Variants in FCGR2B observed in about 807,000 individuals in gnomAD.
The protein encoded by FCGR2B is low affinity immunoglobulin gamma Fc region receptor II-b.
FCGR2B carries 18 observed loss-of-function variants against 24.8 expected under a neutral mutation model. The ratio of observed to expected loss-of-function variants is 0.73; its 90% CI spans 0.50 to 1.08. The LOEUF (loss-of-function observed/expected upper bound fraction) is 1.08, where lower values mean the gene tolerates loss of function less well. Ranked by LOEUF, FCGR2B falls within the 50% of genes least tolerant of loss-of-function variation. The pLI is 0.00. For synonymous variants in FCGR2B, 79 were observed against 109.8 expected (o/e 0.72, Z 1.75); for missense variants, 215 against 297.6 (o/e 0.72, Z 2.04).
chr1:161,656,937 GTTTCTTT>G, the FCGR2B span, among the ~76,000 whole-genome samples: 132 of 71,006 alleles, frequency 1.9e-3, 7 homozygotes, highest in Middle Eastern at 7.5e-3. Context: ...GGCAAGATTT[GTTTCTTT>G]TTTCTTTTTT....
chr1:161,677,795 T>A lies in FCGR2B; in HGVS notation c.*242T>A, dbSNP rs1232993528. 5 of 493,678 alleles carry A rather than the reference T, an allele frequency of 1.0e-5. No homozygotes were observed. Among genetic ancestry groups the A allele is most frequent in the Non-Finnish European group, 1.8e-5 (5 of 281,372 alleles). The allele number at this position is 493,678 out of a possible 1,614,324, so 30.6% of individuals were successfully genotyped here. A position where few individuals can be genotyped will look rare whatever the true frequency, so the allele number is the denominator to read the frequency against. ...TCTTCTTGACATCAAGGCTCTTCCG[T>A]TCCACATCCACACAGCCAATCCAAT... On this transcript the variant is annotated 3_prime_UTR_variant, in exon 8 of 8. Coordinates refer to ENST00000358671, the MANE Select transcript of FCGR2B (RefSeq NM_001394477.1).
At chr1:161,648,693 T>C in the FCGR2B span, among the ~76,000 whole-genome samples, 1 of 150,890 alleles carries the variant, frequency 6.6e-6, no homozygotes, top group African/African-American at 2.4e-5. Context: ...TCTTAATTTT[T>C]TCTTTCTTTT....
intron 3 of FCGR2B, chr1:161,672,394 C>T (rs1192975829): frequency 2.4e-5 from 4 of 165,160 alleles, no homozygotes; most frequent in Admixed American, 1.7e-4. Context: ...ACACAGCAAA[C>T]GAATGACCCA....
At chr1:161,652,646 G>C in the FCGR2B span, among the ~76,000 whole-genome samples, 1 of 134,740 alleles carries the variant, frequency 7.4e-6, no homozygotes, top group East Asian at 2.0e-4. Flanking sequence ...TCTGTTGACA[G>C]GATTTTTAAA....
chr1:161,647,297 CTTTTTTTT>C, the FCGR2B span, among the ~76,000 whole-genome samples: 13,697 of 122,578 alleles, frequency 0.11, 1,046 homozygotes, highest in Middle Eastern at 0.16. Flanking sequence ...GCTCTGGACT[CTTTTTTTT>C]TTTTTTTTTT....
chr1:161,677,015 T>G, intron 6 of FCGR2B: 1 of 419,676 alleles, frequency 2.4e-6, no homozygotes, highest in Non-Finnish European at 4.2e-6. Context: ...CCCCCACCTC[T>G]TCCCCAATAT....
intron 6 of FCGR2B, 142 bp downstream of exon 6, chr1:161,675,455 G>A (rs539994514): frequency 1.7e-5 from 10 of 578,602 alleles, no homozygotes; most frequent in African/African-American, 1.4e-4. Context: ...GGCTCAAATC[G>A]CTTGGTCAGC....
chr1:161,648,563 C>T, the FCGR2B span, among the ~76,000 whole-genome samples: 53 of 151,110 alleles, frequency 3.5e-4, 2 homozygotes, highest in Non-Finnish European at 6.0e-4. Flanking sequence ...TACGAATTAG[C>T]TTATCTTCTC....
chr1:161,650,117 C>G, the FCGR2B span, among the ~76,000 whole-genome samples: 33 of 149,888 alleles, frequency 2.2e-4, 1 homozygote, highest in African/African-American at 7.4e-4. Flanking sequence ...AAGTGATTCT[C>G]CTGCTTCAGC....
intron 5 of FCGR2B, chr1:161,674,921 C>G: frequency 4.4e-6 from 1 of 227,462 alleles, no homozygotes. Flanking sequence ...GCCAACACCT[C>G]AGTTACTGAT....
intron 1 of FCGR2B, among the ~76,000 whole-genome samples, chr1:161,669,593 A>ATAAAG (rs1681509556): frequency 7.1e-6 from 1 of 141,794 alleles, no homozygotes; most frequent in Non-Finnish European, 1.6e-5. Context: ...ATAAAATAAA[A>ATAAAG]TAAAATAAAA....
intron 6 of FCGR2B, chr1:161,675,994 T>G (rs551868997): frequency 1.7e-5 from 4 of 232,132 alleles, no homozygotes; most frequent in African/African-American, 8.8e-5. Flanking sequence ...GTCTCCTCAC[T>G]GAGGAAATGA....
In FCGR2B at chr1:161,677,661, A is replaced by G. The variant is rs1006689029; in HGVS notation, c.*108A>G. The G allele has an allele frequency of 3.5e-6, 3 of 862,646 alleles. No homozygotes were observed. The highest frequency in any genetic ancestry group is 3.2e-5 in the South Asian group (2 of 62,112). The allele number at this position is 862,646 out of a possible 1,614,324, so 53.4% of individuals were successfully genotyped here. On this transcript the variant is annotated 3_prime_UTR_variant, in exon 8 of 8. Transcript: ENST00000358671. Reference sequence around the variant, plus strand: ...AGGACAGGGAGATGCTGCAGTTCCAAAAGAGAAGGTTTCTTCCAGAGTCAT... The same window carrying G: ...AGGACAGGGAGATGCTGCAGTTCCAGAAGAGAAGGTTTCTTCCAGAGTCAT...
At chr1:161,672,655 G>A (rs919836737) in intron 3 of FCGR2B, 14 of 444,832 alleles carry the variant, frequency 3.1e-5, no homozygotes, top group African/African-American at 4.0e-5. Context: ...GAGGCCTGTC[G>A]GGCAGGAAAA....
intron 6 of FCGR2B, 54 bp from the exon 7 acceptor site, chr1:161,677,274 G>A: frequency 6.3e-7 from 1 of 1,577,062 alleles, no homozygotes; most frequent in Non-Finnish European, 8.7e-7. Context: ...ATCAGCACAG[G>A]CAGGCCCTCT....
At chr1:161,661,193 AG>A (rs1404697949), upstream of FCGR2B, among the ~76,000 whole-genome samples, 8 of 10,040 alleles carry the variant, frequency 8.0e-4, 1 homozygote, top group African/African-American at 5.0e-3. Flanking sequence ...AAGAAAGGAA[AG>A]AAAGAAAGAA....
In FCGR2B at chr1:161,667,450, C is replaced by T. The variant is rs1481672049; in HGVS notation, c.113-2802C>T. Among the ~76,000 whole-genome samples the T allele has an allele frequency of 8.6e-5, 10 of 116,886 alleles. 3 individuals are homozygous for T. The highest frequency in any genetic ancestry group is 3.5e-4 in the Admixed American group (4 of 11,284). 76.7% of individuals were successfully genotyped at this position (116,886 alleles called of 152,430 possible). A position where few individuals can be genotyped will look rare whatever the true frequency, so the allele number is the denominator to read the frequency against. On this transcript the variant is annotated intron_variant, in intron 1 of 7. Transcript: ENST00000358671. ...TTCTTGTGTGGTAATTTCAATAACA[C>T]GCAGCTGAGCAAGTAAAGGCATGGC...
At chr1:161,676,968 C>G (rs1682198721) in intron 6 of FCGR2B, 8 of 335,124 alleles carry the variant, frequency 2.4e-5, no homozygotes, top group Non-Finnish European at 4.4e-5. Flanking sequence ...CAGCAAAAAT[C>G]TGGACTTTAC....
At chr1:161,647,989 A>C in the FCGR2B span, among the ~76,000 whole-genome samples, 1 of 150,804 alleles carries the variant, frequency 6.6e-6, no homozygotes, top group Non-Finnish European at 1.5e-5. Context: ...GGAAGGCTTT[A>C]TGGAGAAGGA....
Sources: allele counts gnomAD v4.1 joint callset (sites outside exome capture counted in the v4.1 genomes callset), GRCh38; gene constraint gnomAD v4.1.1; transcripts MANE v1.5; gene names NCBI Gene and HGNC (gene_info 2026-07-23, HGNC 2026-07-21).